DNAH17: variants seen among roughly 807,000 people sequenced by gnomAD.
DNAH17 encodes dynein axonemal heavy chain 17.
In DNAH17, 376 loss-of-function variants were observed where a neutral mutation model predicts 485.6. The observed-to-expected ratio is 0.77, with a 90% CI of 0.71 to 0.84. DNAH17 has a LOEUF of 0.84. DNAH17 is among the 40% of genes least tolerant of loss of function. The pLI is 0.00. For synonymous variants in DNAH17, 3,031 were observed against 2,405.9 expected (o/e 1.26, Z -7.60); for missense variants, 6,370 against 5,839.3 (o/e 1.09, Z -2.96).
intron 24 of DNAH17, among the ~76,000 whole-genome samples, chr17:78,525,599 G>C (rs2091046772): frequency 6.6e-6 from 1 of 152,256 alleles, no homozygotes; most frequent in African/African-American, 2.4e-5. Flanking sequence ...GGCCGTCGTA[G>C]CACCTGGTGA....
chr17:78,433,645 C>T (rs557914576), intron 75 of DNAH17, among the ~76,000 whole-genome samples: 10 of 152,238 alleles, frequency 6.6e-5, no homozygotes, highest in Admixed American at 2.6e-4. Flanking sequence ...CCCTGCTTGT[C>T]CTCCCCACTG....
intron 73 of DNAH17, among the ~76,000 whole-genome samples, chr17:78,438,564 C>T (rs2086946595): frequency 6.8e-6 from 1 of 147,236 alleles, no homozygotes; most frequent in African/African-American, 2.5e-5. Flanking sequence ...GTGGTGCACT[C>T]TTGGCTCACT....
At chr17:78,557,703 C>T (rs938856237) in intron 14 of DNAH17, among the ~76,000 whole-genome samples, 2 of 102,022 alleles carry the variant, frequency 2.0e-5, no homozygotes, top group Non-Finnish European at 4.0e-5. Context: ...AGATATTCAT[C>T]ACCAGCTGTT....
chr17:78,523,296 G>A (rs1360808547), intron 25 of DNAH17, among the ~76,000 whole-genome samples: 1 of 151,342 alleles, frequency 6.6e-6, no homozygotes, highest in Non-Finnish European at 1.5e-5. Flanking sequence ...ACTAATTTTT[G>A]TATTTTTAGT....
In DNAH17 at chr17:78,450,266, C is replaced by G; in HGVS notation, c.11028G>C (p.Gln3676His). Residue 3676 changes from glutamine (Q) to histidine (H), a missense_variant, in exon 68 of 81, where the codon CAG becomes CAC. Physicochemically the swap from Gln to His is conservative, Grantham distance 24 (BLOSUM62 0). Coordinates refer to ENST00000389840, the MANE Select transcript of DNAH17 (RefSeq NM_173628.4). ...CTGCAGGGCGCACCTTGAGGGAGAA[C>G]TGGTAGACGGGGTTGATTTTGTTGA... ...NDLNKINPVY[Q>H]FSLKAFNVVF... 6.2e-7 allele frequency: 1 copy of G among 1,613,916 alleles called. No homozygotes were observed. Among genetic ancestry groups the G allele is most frequent in the Non-Finnish European group, 8.5e-7 (1 of 1,179,882 alleles).
chr17:78,471,387 T>C (rs1443300734), intron 54 of DNAH17, among the ~76,000 whole-genome samples: 4 of 152,248 alleles, frequency 2.6e-5, no homozygotes, highest in Non-Finnish European at 4.4e-5. Flanking sequence ...CCTTGGACCC[T>C]GCCTCGAGGT....
chr17:78,525,869 C>G (rs545025303), intron 24 of DNAH17, among the ~76,000 whole-genome samples: 1 of 152,226 alleles, frequency 6.6e-6, no homozygotes, highest in South Asian at 2.1e-4. Context: ...GAGGAAAGGT[C>G]GGATTGGAGC....
At chr17:78,569,932 G>C (rs1241331910) in intron 7 of DNAH17, among the ~76,000 whole-genome samples, 1 of 150,656 alleles carries the variant, frequency 6.6e-6, no homozygotes, top group African/African-American at 2.5e-5. Flanking sequence ...TGCTAAGGGA[G>C]ACGGAAGGTG....
rs1002858775 is a variant in DNAH17, at chr17:78,526,826, G to A, written c.3624+54C>T. ...CACCCTGTATGCCGCAGGGCCCTGG[G>A]TGAGCCCCACGCTGCTCCCCGGAAA... On this transcript the variant is annotated intron_variant, in intron 23 of 80. Transcript: ENST00000389840. 1.5e-5 allele frequency: 24 copies of A among 1,558,762 alleles called. No individual in the cohort carries two copies. In the African/African-American group the frequency reaches 3.1e-4, roughly 20 times the overall value.
intron 27 of DNAH17, 36 bp downstream of exon 27, chr17:78,510,348 C>G (rs1437857356): frequency 1.2e-6 from 2 of 1,603,978 alleles, no homozygotes; most frequent in Non-Finnish European, 1.7e-6. Flanking sequence ...CAGGCTGATC[C>G]CACGTTGCAC....
intron 78 of DNAH17, 132 bp downstream of exon 78, chr17:78,426,794 G>A: frequency 2.3e-6 from 3 of 1,299,770 alleles, no homozygotes; most frequent in Non-Finnish European, 3.2e-6. Flanking sequence ...TTCTGGAACT[G>A]CCAGAGCTCT....
At chr17:78,454,854 TG>T (rs2087721501) in intron 63 of DNAH17, 149 bp from the exon 64 acceptor site, 1 of 662,646 alleles carries the variant, frequency 1.5e-6, no homozygotes, top group Non-Finnish European at 2.6e-6. Context: ...TCCATCACTC[TG>T]GACAGAGCAG....
chr17:78,498,570 G>A (rs1010569917), intron 37 of DNAH17, among the ~76,000 whole-genome samples: 21 of 152,156 alleles, frequency 1.4e-4, no homozygotes, highest in South Asian at 4.1e-4. Flanking sequence ...CAGCCACTCC[G>A]CTGCACGCTC....
chr17:78,572,965 C>T (rs1385161695), intron 2 of DNAH17, 71 bp from the exon 3 acceptor site: 3 of 1,421,062 alleles, frequency 2.1e-6, no homozygotes, highest in Non-Finnish European at 1.9e-6. Flanking sequence ...AGAGCCAGGT[C>T]CCCGGGGGGT....
intron 72 of DNAH17, among the ~76,000 whole-genome samples, chr17:78,440,138 T>C (rs2087013140): frequency 6.6e-6 from 1 of 151,980 alleles, no homozygotes; most frequent in Non-Finnish European, 1.5e-5. Context: ...TCTCCCTGTG[T>C]TGACCAGGCT....
chr17:78,546,757 T>G (rs577379782), intron 16 of DNAH17, among the ~76,000 whole-genome samples: 124 of 152,172 alleles, frequency 8.1e-4, no homozygotes, highest in African/African-American at 3.0e-3. Context: ...AATACAAAAA[T>G]TTACCAGGCA....
In DNAH17 at chr17:78,492,686, G is replaced by C. The variant is rs1381557832; in HGVS notation, c.6488C>G (p.Thr2163Ser). The C allele has an allele frequency of 6.2e-7, 1 of 1,613,658 alleles. No homozygotes were observed. The highest frequency in any genetic ancestry group is 1.3e-5 in the African/African-American group (1 of 75,000). The change falls in exon 42 of 81, where the codon ACC becomes AGC. Residue 2163 changes from threonine (T) to serine (S), a missense_variant. Coordinates refer to ENST00000389840, the MANE Select transcript of DNAH17 (RefSeq NM_173628.4). ...GATGATGCCAAAGAGCTCGTCGCAG[G>C]TGACGGCCTTGGGGTCCAGGTCCAC... Reference protein sequence around the residue: ...VAVDLDPKAVTCDELFGIINP... With the variant: ...VAVDLDPKAVSCDELFGIINP...
At chr17:78,558,887 C>T (rs2092090372) in intron 13 of DNAH17, among the ~76,000 whole-genome samples, 2 of 152,218 alleles carry the variant, frequency 1.3e-5, no homozygotes, top group Admixed American at 1.3e-4. Context: ...GCTGAATCCA[C>T]TGGTCACATC....
chr17:78,481,547 G>C (rs1202576143), intron 48 of DNAH17, among the ~76,000 whole-genome samples: 1 of 152,216 alleles, frequency 6.6e-6, no homozygotes, highest in Non-Finnish European at 1.5e-5. Context: ...GCTCTGGGAA[G>C]TTGGTTAACA....
Sources: allele counts gnomAD v4.1 joint callset (sites outside exome capture counted in the v4.1 genomes callset), GRCh38; gene constraint gnomAD v4.1.1; transcripts MANE v1.5; gene names NCBI Gene and HGNC (gene_info 2026-07-23, HGNC 2026-07-21).